The following ANKRD45 variants were observed in gnomAD, a reference collection of about 807,000 sequenced individuals.
ANKRD45 encodes ankyrin repeat domain-containing protein 45.
A neutral mutation model predicts 28.1 loss-of-function variants in ANKRD45; 21 were observed. The observed-to-expected ratio is 0.75, with a 90% confidence interval of 0.53 to 1.08. The LOEUF is 1.08. Ranked by LOEUF, ANKRD45 falls within the 50% of genes least tolerant of loss-of-function variation. The pLI, the probability that ANKRD45 is intolerant of heterozygous loss-of-function variation, is 0.00. For synonymous variants in ANKRD45, 86 were observed against 103.9 expected (o/e 0.83, Z 1.05); for missense variants, 261 against 308.7 (o/e 0.85, Z 1.16).
At chr1:173,696,788 G>T in the ANKRD45 span, among the ~76,000 whole-genome samples, 1 of 152,022 alleles carries the variant, frequency 6.6e-6, no homozygotes, top group African/African-American at 2.4e-5. Flanking sequence ...TTTAAGAATA[G>T]TTTTTTCTAT....
At chr1:173,674,859 C>T in the ANKRD45 span, among the ~76,000 whole-genome samples, 27 of 152,244 alleles carry the variant, frequency 1.8e-4, no homozygotes, top group African/African-American at 6.3e-4. Context: ...CATTTCCCCA[C>T]TTTTTAAAAA....
chr1:173,701,418 C>T, the ANKRD45 span, among the ~76,000 whole-genome samples: 19 of 152,228 alleles, frequency 1.2e-4, no homozygotes, highest in Admixed American at 1.2e-3. Flanking sequence ...TGGAACCAAC[C>T]CAAATGTCCA....
intron 5 of ANKRD45, among the ~76,000 whole-genome samples, chr1:173,618,279 A>T (rs1239407211): frequency 6.6e-6 from 1 of 152,244 alleles, no homozygotes; most frequent in Non-Finnish European, 1.5e-5. Context: ...GCAAGGGCAC[A>T]GAACTGAGGC....
chr1:173,613,678 C>T (rs558221447), intron 5 of ANKRD45, among the ~76,000 whole-genome samples: 40 of 137,046 alleles, frequency 2.9e-4, no homozygotes, highest in Middle Eastern at 6.9e-3. Flanking sequence ...GCCGCCGCCC[C>T]GTCCGGGAGG....
intron 3 of ANKRD45, chr1:173,635,978 C>T (rs1191065254): frequency 1.5e-6 from 1 of 670,718 alleles, no homozygotes; most frequent in Non-Finnish European, 2.5e-6. Context: ...CCATTCATTC[C>T]CAGCATCTAG....
At chr1:173,632,769 AT>A (rs894261244) in intron 3 of ANKRD45, among the ~76,000 whole-genome samples, 1 of 152,040 alleles carries the variant, frequency 6.6e-6, no homozygotes, top group Non-Finnish European at 1.5e-5. Context: ...CACAAACCAT[AT>A]GATCATTTTA....
At position 173,610,139 on chromosome 1, in the gene ANKRD45, G is replaced by A. The variant is rs200867875; in HGVS notation, c.*6C>T. 1.4e-5 allele frequency: 23 copies of A among 1,613,362 alleles called. No individual in the cohort carries two copies. The highest frequency in any genetic ancestry group is 8.9e-5 in the East Asian group (4 of 44,866). ...AAGAAAATGTGGCCTTTTACAGAAC[G>A]TATGTTCAGTTGGAGGTATCATCTT... On this transcript the variant is annotated 3_prime_UTR_variant, in exon 6 of 6. Coordinates refer to ENST00000333279, the MANE Select transcript of ANKRD45 (RefSeq NM_198493.3).
chr1:173,685,896 CAGTT>C, the ANKRD45 span, among the ~76,000 whole-genome samples: 3 of 152,130 alleles, frequency 2.0e-5, no homozygotes, highest in Non-Finnish European at 2.9e-5. Context: ...GTTTAGCTGA[CAGTT>C]AGCGGGGGAG....
intron 1 of ANKRD45, among the ~76,000 whole-genome samples, chr1:173,665,905 T>G (rs1669996321): frequency 1.3e-5 from 2 of 151,762 alleles, no homozygotes; most frequent in South Asian, 4.2e-4. Flanking sequence ...TCCCAGCTAC[T>G]TGGGAGGTGG....
At chr1:173,623,844 C>T (rs1376365283) in intron 5 of ANKRD45, among the ~76,000 whole-genome samples, 1 of 151,058 alleles carries the variant, frequency 6.6e-6, no homozygotes. Context: ...TTATCCTCAG[C>T]AAACTAATGC....
Position 173,659,335 on chromosome 1 carries a change from T to C in ANKRD45, c.84A>G (p.Gln28=). The C allele has an allele frequency of 6.2e-7, 1 of 1,613,114 alleles. No individual in the cohort carries two copies. Among genetic ancestry groups the C allele is most frequent in the Non-Finnish European group, 8.5e-7 (1 of 1,179,628 alleles). ...TCTTAGGGCCTGTTTCCTCTGGTTCTTGGGCTTCTTCTTCTTCATTTTCCT... is the reference window on the plus strand; with the variant it reads ...TCTTAGGGCCTGTTTCCTCTGGTTCCTGGGCTTCTTCTTCTTCATTTTCCT... ...QEEENEEEEA[Q]EPEETGPKNP... is the part of the protein sequence containing the mutation. Residue 28 remains glutamine (Q), a synonymous_variant, in exon 2 of 6, where the codon CAA becomes CAG. Transcript: ENST00000333279.
chr1:173,682,692 C>A, the ANKRD45 span, among the ~76,000 whole-genome samples: 1 of 150,732 alleles, frequency 6.6e-6, no homozygotes, highest in Admixed American at 6.6e-5. Flanking sequence ...AATACACACA[C>A]ACACACACAC....
intron 2 of ANKRD45, among the ~76,000 whole-genome samples, chr1:173,649,640 G>A (rs1669092638): frequency 6.6e-6 from 1 of 152,046 alleles, no homozygotes; most frequent in Non-Finnish European, 1.5e-5. Flanking sequence ...TTTATGCAGA[G>A]TTTAAAATTT....
At chr1:173,632,684 T>G (rs1668246765) in intron 3 of ANKRD45, among the ~76,000 whole-genome samples, 1 of 152,096 alleles carries the variant, frequency 6.6e-6, no homozygotes, top group Non-Finnish European at 1.5e-5. Flanking sequence ...AAGTGACATT[T>G]ATCCCAAGGA....
intron 5 of ANKRD45, among the ~76,000 whole-genome samples, chr1:173,624,492 GAAA>G (rs79337715): frequency 1.5e-5 from 2 of 132,130 alleles, no homozygotes. Context: ...GCCTCCGGGG[GAAA>G]AAAAAAAAAA....
chr1:173,615,931 G>A (rs181966016), intron 5 of ANKRD45, among the ~76,000 whole-genome samples: 256 of 151,998 alleles, frequency 1.7e-3, no homozygotes, highest in Middle Eastern at 0.01. Flanking sequence ...GTGAAACCCC[G>A]TCTCTACTAA....
chr1:173,696,275 T>A, the ANKRD45 span, among the ~76,000 whole-genome samples: 1 of 152,164 alleles, frequency 6.6e-6, no homozygotes, highest in African/African-American at 2.4e-5. Flanking sequence ...TGGGGGTGGT[T>A]CCCCTGATAG....
the ANKRD45 span, among the ~76,000 whole-genome samples, chr1:173,688,562 C>T: frequency 7.8e-6 from 1 of 128,408 alleles, no homozygotes; most frequent in African/African-American, 2.8e-5. Context: ...CTGCCTCTTC[C>T]TCTCTCTCTC....
intron 5 of ANKRD45, among the ~76,000 whole-genome samples, chr1:173,614,298 T>G (rs533955097): frequency 2.0e-5 from 3 of 151,340 alleles, no homozygotes; most frequent in South Asian, 4.2e-4. Context: ...TAAAATAAAA[T>G]AAAGAAAGAG....
Sources: allele counts gnomAD v4.1 joint callset (sites outside exome capture counted in the v4.1 genomes callset), GRCh38; gene constraint gnomAD v4.1.1; transcripts MANE v1.5; gene names NCBI Gene and HGNC (gene_info 2026-07-23, HGNC 2026-07-21).